Variants in PRIMA1 observed in about 807,000 individuals in gnomAD.
PRIMA1 encodes proline rich membrane anchor 1.
In PRIMA1, 7 loss-of-function variants were observed where a neutral mutation model predicts 17.5. That is an observed-to-expected ratio of 0.40 (90% CI 0.23 to 0.75). The LOEUF (loss-of-function observed/expected upper bound fraction) is 0.75. Among genes scored for constraint, PRIMA1 ranks in the 30% least tolerant of loss-of-function variants. PRIMA1 has a pLI of 0.37. For missense variants in PRIMA1, 200 were observed against 201.8 expected (o/e 0.99, Z 0.05); for synonymous variants, 97 against 77.9 (o/e 1.25, Z -1.29).
intron 3 of PRIMA1, among the ~76,000 whole-genome samples, chr14:93,771,148 G>A (rs1191679975): frequency 6.6e-6 from 1 of 151,984 alleles, no homozygotes; most frequent in Non-Finnish European, 1.5e-5. Context: ...GTATGTGTGT[G>A]TGTGCGCATG....
chr14:93,777,688 T>G (rs1169936481), intron 3 of PRIMA1, among the ~76,000 whole-genome samples: 1 of 152,210 alleles, frequency 6.6e-6, no homozygotes, highest in Non-Finnish European at 1.5e-5. Context: ...GCTACTGTTT[T>G]GCTTAACTAT....
At chr14:93,742,801 G>C (rs1595199473) in intron 3 of PRIMA1, among the ~76,000 whole-genome samples, 1 of 152,324 alleles carries the variant, frequency 6.6e-6, no homozygotes, top group South Asian at 2.1e-4. Context: ...GACACTGCTA[G>C]GCACAATGGC....
intron 2 of PRIMA1, among the ~76,000 whole-genome samples, chr14:93,785,891 GACACCCCTGCATACACACACACAC>G (rs902232586): frequency 1.3e-5 from 2 of 149,022 alleles, no homozygotes; most frequent in Non-Finnish European, 3.0e-5. Flanking sequence ...CACACACACA[GACACCCCTGCATACACACACACAC>G]ACACCCCTGC....
At chr14:93,748,934 G>T (rs1236336794) in intron 3 of PRIMA1, among the ~76,000 whole-genome samples, 2 of 152,148 alleles carry the variant, frequency 1.3e-5, no homozygotes, top group East Asian at 3.9e-4. Context: ...GCAAGGGAGG[G>T]TCTGGGTGGA....
intron 3 of PRIMA1, among the ~76,000 whole-genome samples, chr14:93,767,082 T>A (rs1425562894): frequency 6.6e-6 from 1 of 152,118 alleles, no homozygotes; most frequent in Non-Finnish European, 1.5e-5. Context: ...CTGCAATAAT[T>A]GACAAGATCC....
At chr14:93,741,233 A>G (rs1376554889) in intron 3 of PRIMA1, among the ~76,000 whole-genome samples, 1 of 152,234 alleles carries the variant, frequency 6.6e-6, no homozygotes, top group African/African-American at 2.4e-5. Context: ...AGAATGTTGG[A>G]GCTGGAGGAA....
chr14:93,731,917 A>G (rs1178758419), intron 4 of PRIMA1, among the ~76,000 whole-genome samples: 3 of 152,254 alleles, frequency 2.0e-5, no homozygotes, highest in African/African-American at 7.2e-5. Context: ...GCTCAACCAC[A>G]AACAGCTGAT....
At chr14:93,765,097 C>T (rs527874416) in intron 3 of PRIMA1, among the ~76,000 whole-genome samples, 1 of 152,076 alleles carries the variant, frequency 6.6e-6, no homozygotes, top group South Asian at 2.1e-4. Context: ...TTTCTGGGAT[C>T]ACCTCTCAAT....
chr14:93,759,284 G>A (rs745918546), intron 3 of PRIMA1, among the ~76,000 whole-genome samples: 1 of 152,070 alleles, frequency 6.6e-6, no homozygotes, highest in Admixed American at 6.5e-5. Flanking sequence ...TCTCATCCCT[G>A]GCTCCTGCCC....
chr14:93,737,451 A>G (rs908368881), intron 3 of PRIMA1, 81 bp from the exon 4 acceptor site: 1 of 1,524,168 alleles, frequency 6.6e-7, no homozygotes, highest in Admixed American at 1.9e-5. Flanking sequence ...ATCATGGGTG[A>G]CACCAACAGA....
intron 4 of PRIMA1, among the ~76,000 whole-genome samples, chr14:93,721,970 G>A (rs2076041628): frequency 2.6e-5 from 4 of 152,216 alleles, no homozygotes; most frequent in African/African-American, 7.2e-5. Context: ...CTCAGTGTGG[G>A]CAAAGGCAAA....
intron 3 of PRIMA1, among the ~76,000 whole-genome samples, chr14:93,771,627 G>A (rs1885073216): frequency 6.6e-6 from 1 of 152,212 alleles, no homozygotes; most frequent in African/African-American, 2.4e-5. Flanking sequence ...AAATATGTTG[G>A]TGTTGTAGCT....
intron 3 of PRIMA1, among the ~76,000 whole-genome samples, chr14:93,759,595 G>A (rs113859604): frequency 5.3e-5 from 8 of 152,198 alleles, no homozygotes; most frequent in African/African-American, 9.6e-5. Context: ...AGAGCATGAC[G>A]GAGAGGGCTA....
chr14:93,742,051 TG>T (rs1477146725), intron 3 of PRIMA1, among the ~76,000 whole-genome samples: 5 of 152,240 alleles, frequency 3.3e-5, no homozygotes, highest in Admixed American at 1.3e-4. Context: ...CTTCTCATTA[TG>T]AGATGCATCG....
intron 3 of PRIMA1, among the ~76,000 whole-genome samples, chr14:93,757,230 A>AAG (rs1566971771): frequency 7.1e-6 from 1 of 140,870 alleles, no homozygotes; most frequent in Non-Finnish European, 1.5e-5. Context: ...AAGGAAGGAA[A>AAG]GAAGGAAGGA....
intron 3 of PRIMA1, among the ~76,000 whole-genome samples, chr14:93,739,571 G>A (rs187029298): frequency 3.6e-4 from 55 of 152,280 alleles, no homozygotes; most frequent in African/African-American, 1.3e-3. Context: ...CTGAATGCTT[G>A]TACCTTTGTA....
At chr14:93,725,169 G>A (rs1273401284) in intron 4 of PRIMA1, among the ~76,000 whole-genome samples, 1 of 150,562 alleles carries the variant, frequency 6.6e-6, no homozygotes, top group African/African-American at 2.4e-5. Context: ...AGGAAAGCAG[G>A]CAGAGGGGCT....
At position 93,719,067 on chromosome 14, in the gene PRIMA1, G is replaced by A. The variant is rs953678313; in HGVS notation, c.*2377C>T. 3 of 152,104 alleles carry A rather than the reference G, an allele frequency of 2.0e-5. No homozygotes were observed. The highest frequency in any genetic ancestry group is 7.2e-5 in the African/African-American group (3 of 41,406). The allele number at this position is 152,104 out of a possible 1,614,324, so 9.4% of individuals were successfully genotyped here. A position where few individuals can be genotyped will look rare whatever the true frequency, so the allele number is the denominator to read the frequency against. ...AATGGGCGGTCTTGGGCTTGAGGTG[G>A]GGGGTGGATATTAAGTGAATCTTTT... On this transcript the variant is annotated 3_prime_UTR_variant, in exon 5 of 5. Transcript: ENST00000393140.
At chr14:93,768,551 C>T (rs902811098) in intron 3 of PRIMA1, among the ~76,000 whole-genome samples, 4 of 152,260 alleles carry the variant, frequency 2.6e-5, no homozygotes, top group East Asian at 1.9e-4. Context: ...GCTCAAGTGT[C>T]CAACTAGAGG....
Sources: gnomAD v4.1 joint callset for allele counts (sites outside exome capture counted in the v4.1 genomes callset) on GRCh38, gnomAD v4.1.1 for gene constraint, MANE v1.5 for transcripts, NCBI Gene and HGNC (gene_info 2026-07-23, HGNC 2026-07-21) for gene names.